The following ZNF521 variants were observed in gnomAD, a reference collection of about 807,000 sequenced individuals.
ZNF521 encodes the protein zinc finger protein 521.
ZNF521 carries 14 observed loss-of-function variants against 105.5 expected under a neutral mutation model. The ratio of observed to expected loss-of-function variants is 0.13; its 90% CI spans 0.09 to 0.21. ZNF521 has a LOEUF of 0.21. Among genes scored for constraint, ZNF521 ranks in the 10% least tolerant of loss-of-function variants. ZNF521 has a pLI of 1.00. For missense variants in ZNF521, 1,233 were observed against 1,629.7 expected (o/e 0.76, Z 4.19); for synonymous variants, 635 against 606.0 (o/e 1.05, Z -0.70).
chr18:25,065,082 A>C (rs1452767112), intron 7 of ZNF521, among the ~76,000 whole-genome samples: 1 of 152,222 alleles, frequency 6.6e-6, no homozygotes, highest in African/African-American at 2.4e-5. Flanking sequence ...CGGAAAGGTT[A>C]TAAACAATAA....
chr18:25,346,382 T>G (rs1413047950), intron 2 of ZNF521, among the ~76,000 whole-genome samples: 2 of 152,152 alleles, frequency 1.3e-5, no homozygotes, highest in East Asian at 1.9e-4. Flanking sequence ...CTGCAGAGTT[T>G]AATGTTTCTA....
rs1342464197 is a variant in ZNF521 at position 25,062,127 on chromosome 18, A to G, written c.*585T>C. On this transcript the variant is annotated 3_prime_UTR_variant, in exon 8 of 8. Coordinates refer to ENST00000361524, the MANE Select transcript of ZNF521 (RefSeq NM_015461.3). Reference sequence around the variant, plus strand: ...GGAAAAAAAAATTCTTTGACAGTCTACATAACAACTATTGCATATATAGTG... The same window carrying G: ...GGAAAAAAAAATTCTTTGACAGTCTGCATAACAACTATTGCATATATAGTG... 4.9e-6 allele frequency: 1 copy of G among 202,258 alleles called. No homozygotes were observed. Among genetic ancestry groups the G allele is most frequent in the Non-Finnish European group, 1.0e-5 (1 of 98,450 alleles). The allele number at this position is 202,258 out of a possible 1,614,324, so 12.5% of individuals were successfully genotyped here. A position where few individuals can be genotyped will look rare whatever the true frequency, so the allele number is the denominator to read the frequency against.
At chr18:25,263,762 G>A (rs1909072483) in intron 3 of ZNF521, among the ~76,000 whole-genome samples, 2 of 152,124 alleles carry the variant, frequency 1.3e-5, no homozygotes, top group Admixed American at 1.3e-4. Context: ...TTTTTCAGTA[G>A]AGACGAGGTT....
chr18:25,333,314 C>A (rs202051260), intron 2 of ZNF521, among the ~76,000 whole-genome samples: 6,388 of 145,712 alleles, frequency 0.044, 155 homozygotes, highest in South Asian at 0.084. Context: ...CTCTCTCTCT[C>A]TATATATATA....
At chr18:25,100,852 C>G (rs1457200064) in intron 5 of ZNF521, among the ~76,000 whole-genome samples, 1 of 152,112 alleles carries the variant, frequency 6.6e-6, no homozygotes, top group Non-Finnish European at 1.5e-5. Context: ...AGCTCCATAA[C>G]CTTTAAATTG....
intron 2 of ZNF521, among the ~76,000 whole-genome samples, chr18:25,334,134 T>A (rs978293729): frequency 2.0e-5 from 3 of 152,224 alleles, no homozygotes; most frequent in Admixed American, 2.0e-4. Context: ...CAATTTTTTT[T>A]AATCAGAAGA....
chr18:25,299,971 T>C (rs1219709601), intron 3 of ZNF521, among the ~76,000 whole-genome samples: 1 of 152,182 alleles, frequency 6.6e-6, no homozygotes, highest in African/African-American at 2.4e-5. Context: ...TTATTTCCCA[T>C]CCTCTCAAAT....
intron 7 of ZNF521, among the ~76,000 whole-genome samples, chr18:25,083,354 G>C (rs747017158): frequency 6.6e-6 from 1 of 152,198 alleles, no homozygotes; most frequent in African/African-American, 2.4e-5. Flanking sequence ...AGCTAGAACA[G>C]AGAACTCAGG....
At chr18:25,171,107 T>G (rs752931452) in intron 5 of ZNF521, among the ~76,000 whole-genome samples, 1 of 152,094 alleles carries the variant, frequency 6.6e-6, no homozygotes, top group Admixed American at 6.6e-5. Context: ...AAACATAAAA[T>G]TTTTATTTAG....
intron 2 of ZNF521, among the ~76,000 whole-genome samples, chr18:25,341,503 G>T (rs1297710424): frequency 6.6e-6 from 1 of 152,160 alleles, no homozygotes; most frequent in South Asian, 2.1e-4. Flanking sequence ...TTTAGGAGGG[G>T]TAAAAGATAT....
At chr18:25,249,607 G>T (rs547529198) in intron 3 of ZNF521, among the ~76,000 whole-genome samples, 1 of 151,988 alleles carries the variant, frequency 6.6e-6, no homozygotes, top group Non-Finnish European at 1.5e-5. Flanking sequence ...GATTACAGGC[G>T]CATGCCACCA....
intron 4 of ZNF521, among the ~76,000 whole-genome samples, chr18:25,223,259 A>C (rs973234908): frequency 6.6e-6 from 1 of 152,158 alleles, no homozygotes; most frequent in Non-Finnish European, 1.5e-5. Context: ...GGAGGGGAGA[A>C]GGGGGAAAGT....
intron 2 of ZNF521, among the ~76,000 whole-genome samples, chr18:25,347,873 A>G (rs1358472892): frequency 2.0e-5 from 3 of 152,332 alleles, no homozygotes; most frequent in South Asian, 4.1e-4. Flanking sequence ...CATGTCAGCA[A>G]TATCTTTTAC....
At chr18:25,140,541 TG>T (rs1399795955) in intron 5 of ZNF521, among the ~76,000 whole-genome samples, 3 of 152,180 alleles carry the variant, frequency 2.0e-5, no homozygotes. Context: ...ACATTAAGCA[TG>T]GGAAAAGTGC....
intron 3 of ZNF521, among the ~76,000 whole-genome samples, chr18:25,310,320 C>T (rs1399108033): frequency 2.0e-5 from 3 of 152,120 alleles, no homozygotes; most frequent in Middle Eastern, 3.4e-3. Context: ...GTTAAGGAAG[C>T]TCATGACCCC....
At chr18:25,214,963 G>T (rs992156811) in intron 4 of ZNF521, among the ~76,000 whole-genome samples, 1 of 152,062 alleles carries the variant, frequency 6.6e-6, no homozygotes, top group Non-Finnish European at 1.5e-5. Flanking sequence ...ATGACGAGGC[G>T]AAAGACGAAA....
intron 2 of ZNF521, among the ~76,000 whole-genome samples, chr18:25,350,317 T>C (rs1446304676): frequency 4.6e-5 from 7 of 151,010 alleles, no homozygotes; most frequent in Middle Eastern, 6.9e-3. Flanking sequence ...CGAGCCGGGG[T>C]CCGGTGCCCG....
At chr18:25,094,697 G>A (rs1044224883) in intron 5 of ZNF521, among the ~76,000 whole-genome samples, 2 of 152,036 alleles carry the variant, frequency 1.3e-5, no homozygotes, top group Non-Finnish European at 2.9e-5. Flanking sequence ...TATATGAATT[G>A]TTACACAGCA....
chr18:25,205,150 A>G (rs1336384138), intron 4 of ZNF521, among the ~76,000 whole-genome samples: 2 of 100,850 alleles, frequency 2.0e-5, no homozygotes, highest in Non-Finnish European at 4.8e-5. Flanking sequence ...GTAAAAAAAA[A>G]AAAAAAAAAA....
Sources: gnomAD v4.1 joint callset for allele counts (sites outside exome capture counted in the v4.1 genomes callset) on GRCh38, gnomAD v4.1.1 for gene constraint, MANE v1.5 for transcripts, NCBI Gene and HGNC (gene_info 2026-07-23, HGNC 2026-07-21) for gene names.